The following EML6 variants were observed in gnomAD, a reference collection of about 807,000 sequenced individuals.
The protein encoded by EML6 is echinoderm microtubule-associated protein-like 6.
EML6 carries 154 observed loss-of-function variants against 240.1 expected under a neutral mutation model. That is an observed-to-expected ratio of 0.64 (90% CI 0.56 to 0.73). The LOEUF is 0.73. EML6 is among the 30% of genes least tolerant of loss of function. The pLI is 0.00. For synonymous variants in EML6, 1,148 were observed against 899.0 expected (o/e 1.28, Z -4.95); for missense variants, 2,964 against 2,474.6 (o/e 1.20, Z -4.20).
chr2:54,792,386 A>C (rs1467176279), intron 2 of EML6, among the ~76,000 whole-genome samples: 1 of 152,214 alleles, frequency 6.6e-6, no homozygotes, highest in African/African-American at 2.4e-5. Flanking sequence ...TAAAAACTTG[A>C]TAGCTAAGCT....
chr2:54,725,001 A>C lies in EML6; in HGVS notation c.-61A>C, dbSNP rs1682838633. ...GCCCCTGCAGGTCCGCCGCAGCCCC[A>C]GCCTCGGCGAGGACGGCCCCGGCGC... On this transcript the variant is annotated 5_prime_UTR_variant, in exon 2 of 42. Coordinates refer to ENST00000356458, the MANE Select transcript of EML6 (RefSeq NM_001039753.4). This position sits in a 1 kb window ranked among gnomAD's most constrained non-coding sequence, Gnocchi z 4.3. The C allele has an allele frequency of 7.4e-7, 1 of 1,357,634 alleles. No individual in the cohort carries two copies. The allele number at this position is 1,357,634 out of a possible 1,614,324, so 84.1% of individuals were successfully genotyped here.
chr2:54,907,947 AGATAGATAG>A (rs2104264341), intron 24 of EML6, among the ~76,000 whole-genome samples: 1 of 22,952 alleles, frequency 4.4e-5, no homozygotes, highest in Admixed American at 4.3e-4. Context: ...TAGATAGATA[AGATAGATAG>A]ATAGATAGAT....
chr2:54,940,042 T>A (rs1442425437), intron 28 of EML6, among the ~76,000 whole-genome samples: 1 of 152,222 alleles, frequency 6.6e-6, no homozygotes, highest in South Asian at 2.1e-4. Flanking sequence ...ATGGCATATG[T>A]TCCTTAGGAA....
intron 3 of EML6, among the ~76,000 whole-genome samples, chr2:54,813,845 T>G (rs553241996): frequency 1.2e-3 from 183 of 152,344 alleles, no homozygotes; most frequent in African/African-American, 4.1e-3. Context: ...CCCCTTGATG[T>G]CACTTTTAGC....
At chr2:54,826,414 C>T (rs1208402183) in intron 5 of EML6, among the ~76,000 whole-genome samples, 1 of 152,200 alleles carries the variant, frequency 6.6e-6, no homozygotes, top group Non-Finnish European at 1.5e-5. Context: ...GCCTGGCCAA[C>T]ATGGTGAAAC....
chr2:54,917,484 C>G lies in EML6; in HGVS notation c.3675+549C>G, dbSNP rs202036438. 8.7e-4 allele frequency among the ~76,000 whole-genome samples: 132 copies of G among 152,032 alleles called. 2 individuals carry two copies. The East Asian group carries it at 0.012, about 14-fold the overall frequency. ...GGTTCAGGCAATTCCCTGCCTCAGC[C>G]TCCCGAGTAGCTGGATTACAGACGC... On this transcript the variant is annotated intron_variant, in intron 26 of 41. Coordinates refer to ENST00000356458, the MANE Select transcript of EML6 (RefSeq NM_001039753.4).
At chr2:54,901,823 C>T (rs566030213) in intron 22 of EML6, among the ~76,000 whole-genome samples, 12 of 152,302 alleles carry the variant, frequency 7.9e-5, no homozygotes, top group East Asian at 3.9e-4. Flanking sequence ...GTGCTTACAA[C>T]GCTCGACAAT....
intron 31 of EML6, 85 bp from the exon 32 acceptor site, chr2:54,953,898 A>AAAAAG: frequency 8.3e-7 from 1 of 1,199,116 alleles, no homozygotes; most frequent in Non-Finnish European, 1.1e-6. Context: ...AAAAAAAAAA[A>AAAAAG]AAAAGGCTTT....
intron 10 of EML6, among the ~76,000 whole-genome samples, chr2:54,851,377 C>T (rs780487699): frequency 6.6e-6 from 1 of 152,164 alleles, no homozygotes; most frequent in Non-Finnish European, 1.5e-5. Flanking sequence ...CGCACCACTG[C>T]ACTCCAGCCT....
At chr2:54,935,478 T>G (rs1675088123) in intron 28 of EML6, among the ~76,000 whole-genome samples, 1 of 152,236 alleles carries the variant, frequency 6.6e-6, no homozygotes, top group Non-Finnish European at 1.5e-5. Context: ...TGCATAACTT[T>G]TTAAAAATCA....
chr2:54,840,227 C>G (rs562663195), intron 7 of EML6, among the ~76,000 whole-genome samples: 13 of 152,288 alleles, frequency 8.5e-5, no homozygotes, highest in African/African-American at 2.9e-4. Context: ...CTTGGGAGAA[C>G]TGGTGTGTTC....
chr2:54,952,432 C>T (rs1266505678), intron 30 of EML6, among the ~76,000 whole-genome samples, 162 bp from the exon 31 acceptor site: 4 of 152,168 alleles, frequency 2.6e-5, no homozygotes, highest in Non-Finnish European at 4.4e-5. Context: ...TCCAAAAAAA[C>T]GACCCTTCAT....
At chr2:54,871,690 CGTGT>C (rs759639840) in intron 16 of EML6, 85 bp downstream of exon 16, 2 of 943,516 alleles carry the variant, frequency 2.1e-6, no homozygotes, top group Non-Finnish European at 3.4e-6. Context: ...TGCGCGCACG[CGTGT>C]GTGTGTATTT....
intron 2 of EML6, among the ~76,000 whole-genome samples, chr2:54,750,744 CAG>C (rs1684124720): frequency 1.3e-5 from 2 of 152,098 alleles, no homozygotes; most frequent in South Asian, 2.1e-4. Context: ...TCAGAGGAAA[CAG>C]GGAGCTTTCC....
In EML6 at chr2:54,933,836, C is replaced by T. The variant is rs1023174252; in HGVS notation, c.4004+5085C>T. Among the ~76,000 whole-genome samples, 4 of 152,192 alleles carry T rather than the reference C, an allele frequency of 2.6e-5. No individual in the cohort carries two copies. The East Asian group carries it at 7.7e-4, about 29-fold the overall frequency. On this transcript the variant is annotated intron_variant, in intron 28 of 41. Transcript: ENST00000356458. ...AAAAGAGGCGGCTCAAAGTCTCAGCCAGTTGCCACATCCAGGATCTGAGAG... is the reference window on the plus strand; with the variant it reads ...AAAAGAGGCGGCTCAAAGTCTCAGCTAGTTGCCACATCCAGGATCTGAGAG...
At chr2:54,844,368 T>A in intron 8 of EML6, 120 bp downstream of exon 8, 1 of 760,184 alleles carries the variant, frequency 1.3e-6, no homozygotes, top group Non-Finnish European at 2.1e-6. Context: ...AATGAAACGT[T>A]AAGACATTTA....
intron 30 of EML6, among the ~76,000 whole-genome samples, chr2:54,952,073 C>T (rs967134413): frequency 6.6e-6 from 1 of 152,324 alleles, no homozygotes; most frequent in South Asian, 2.1e-4. Flanking sequence ...AAAGCCATCA[C>T]CTGTGCTGTC....
At chr2:54,967,319 T>C in intron 39 of EML6, 1 of 340,300 alleles carries the variant, frequency 2.9e-6, no homozygotes, top group South Asian at 4.1e-5. Flanking sequence ...CCCCTCTTTT[T>C]GTGTAATTTC....
Position 54,940,889 on chromosome 2 carries a change from C to A in EML6, c.4005-7993C>A, listed in dbSNP as rs533579161. ...CCAGGCAAAAGGAATCAAGAAGATT[C>A]TGTGTCACTGTGGCTATCATGCCTA... On this transcript the variant is annotated intron_variant, in intron 28 of 41. Transcript: ENST00000356458. Among the ~76,000 whole-genome samples, 5 of 152,318 alleles carry A rather than the reference C, an allele frequency of 3.3e-5. No homozygotes were observed. The South Asian group carries it at 1.0e-3, about 32-fold the overall frequency.
Sources: gnomAD v4.1 joint callset for allele counts (sites outside exome capture counted in the v4.1 genomes callset) on GRCh38, gnomAD v4.1.1 for gene constraint, Gnocchi (gnomAD v3.1) non-coding constraint, MANE v1.5 for transcripts, NCBI Gene and HGNC (gene_info 2026-07-23, HGNC 2026-07-21) for gene names.